The following G3BP2 variants were observed in gnomAD, a reference collection of about 807,000 sequenced individuals.
The protein encoded by G3BP2 is ras GTPase-activating protein-binding protein 2.
G3BP2 carries 11 observed loss-of-function variants against 56.7 expected under a neutral mutation model. The ratio of observed to expected loss-of-function variants is 0.19; its 90% CI spans 0.12 to 0.32. G3BP2 has a LOEUF of 0.32. Ranked by LOEUF, G3BP2 falls within the 10% of genes least tolerant of loss-of-function variation. The probability of loss-of-function intolerance (pLI) is 1.00; values close to 1 mark genes in which losing one functional copy is unlikely to be tolerated. For synonymous variants in G3BP2, 165 were observed against 191.6 expected, an observed-to-expected ratio of 0.86 and a Z score of 1.15; for missense variants, 340 against 610.9, an observed-to-expected ratio of 0.56 and a Z score of 4.67.
Position 75,647,026 on chromosome 4 carries a change from T to C in G3BP2, c.1057+3A>G. ...AACTCCAACAGCAAAATAAATCACT[T>C]ACTCATGAAGAATTCCTTTAGCTCA... On this transcript the variant is annotated splice_donor_region_variant and intron_variant, in intron 10 of 11. Transcript: ENST00000359707. 1 of 1,569,086 alleles carries C rather than the reference T, an allele frequency of 6.4e-7. No homozygotes were observed. Among genetic ancestry groups the C allele is most frequent in the Non-Finnish European group, 8.7e-7 (1 of 1,153,038 alleles).
chr4:75,710,033 T>C (rs1369770033), intron 3 of G3BP2, among the ~76,000 whole-genome samples: 1 of 152,182 alleles, frequency 6.6e-6, no homozygotes, highest in Non-Finnish European at 1.5e-5. Flanking sequence ...ATTGAACATA[T>C]GACCACATAC....
Position 75,645,274 on chromosome 4 carries a change from T to C in G3BP2, c.*156A>G, listed in dbSNP as rs1731133693. The C allele has an allele frequency of 1.6e-6, 1 of 637,766 alleles. No individual in the cohort carries two copies. The highest frequency in any genetic ancestry group is 2.8e-5 in the East Asian group (1 of 36,138). 39.5% of individuals were successfully genotyped at this position (637,766 alleles called of 1,614,324 possible). On this transcript the variant is annotated 3_prime_UTR_variant, in exon 12 of 12. Coordinates refer to ENST00000359707, the MANE Select transcript of G3BP2 (RefSeq NM_203505.3). ...TCCTGTTGTGAAATTGGGGAAATAA[T>C]GTCCACCTCAATTTAACTGATAACC... is the stretch of plus-strand genomic sequence containing the variant.
intron 6 of G3BP2, 103 bp downstream of exon 6, chr4:75,655,665 G>A (rs775841464): frequency 3.1e-5 from 21 of 678,790 alleles, no homozygotes; most frequent in Non-Finnish European, 5.3e-5. Context: ...TGACATAATA[G>A]GTGGTTTTAT....
rs1215697258 is a variant in G3BP2, at chr4:75,645,327, A to T, written c.*103T>A. The T allele has an allele frequency of 9.6e-7, 1 of 1,037,360 alleles. No individual in the cohort carries two copies. The highest frequency in any genetic ancestry group is 1.4e-6 in the Non-Finnish European group (1 of 712,414). The allele number at this position is 1,037,360 out of a possible 1,614,324, so 64.3% of individuals were successfully genotyped here. On this transcript the variant is annotated 3_prime_UTR_variant, in exon 12 of 12. Coordinates refer to ENST00000359707, the MANE Select transcript of G3BP2 (RefSeq NM_203505.3). The stretch of plus-strand genomic sequence containing the variant: ...AGATGCTTTTCACATCAAAGAAATG[A>T]TCAAAAAGGCTGTGTCACATTCCAA...
intron 3 of G3BP2, among the ~76,000 whole-genome samples, chr4:75,682,596 A>G (rs567784929): frequency 5.3e-5 from 8 of 152,300 alleles, no homozygotes; most frequent in African/African-American, 1.9e-4. Flanking sequence ...GTAGTAAAAA[A>G]TCAACTGTAT....
chr4:75,681,412 T>C (rs1191461369), intron 3 of G3BP2, among the ~76,000 whole-genome samples: 1 of 152,160 alleles, frequency 6.6e-6, no homozygotes, highest in Non-Finnish European at 1.5e-5. Context: ...AGAGGGTACA[T>C]TCCAGGACCC....
chr4:75,643,870 T>C lies in G3BP2; in HGVS notation c.*1560A>G, dbSNP rs1438892160. 2.0e-5 allele frequency: 3 copies of C among 152,634 alleles called. No individual in the cohort carries two copies. The highest frequency in any genetic ancestry group is 7.2e-5 in the African/African-American group (3 of 41,456). The allele number at this position is 152,634 out of a possible 1,614,324, so 9.5% of individuals were successfully genotyped here. A position where few individuals can be genotyped will look rare whatever the true frequency, so the allele number is the denominator to read the frequency against. On this transcript the variant is annotated 3_prime_UTR_variant, in exon 12 of 12. Coordinates refer to ENST00000359707, the MANE Select transcript of G3BP2 (RefSeq NM_203505.3). Reference sequence around the variant, plus strand: ...CTCCAAGCATAAAATTGGATAAGCTTTGCCATACTTGTGGTTTACTGGAAC... The same window carrying C: ...CTCCAAGCATAAAATTGGATAAGCTCTGCCATACTTGTGGTTTACTGGAAC...
chr4:75,674,708 ATATATATATATTTTTTT>A (rs1201636530), upstream of G3BP2, among the ~76,000 whole-genome samples: 2 of 44,236 alleles, frequency 4.5e-5, no homozygotes, highest in African/African-American at 8.1e-5. Flanking sequence ...ATATATATAT[ATATATATATATTTTTTT>A]TTTTTTTTTT....
At chr4:75,713,309 A>G (rs1719821814) in intron 3 of G3BP2, among the ~76,000 whole-genome samples, 1 of 152,248 alleles carries the variant, frequency 6.6e-6, no homozygotes, top group Non-Finnish European at 1.5e-5. Context: ...GCAACCACCA[A>G]TGATTCAGGC....
At chr4:75,666,912 C>A (rs555748486) in intron 1 of G3BP2, among the ~76,000 whole-genome samples, 1 of 152,136 alleles carries the variant, frequency 6.6e-6, no homozygotes, top group African/African-American at 2.4e-5. Context: ...AAACTCATGA[C>A]CTTACTGGAT....
At chr4:75,651,058 G>A (rs2148959893) in intron 8 of G3BP2, among the ~76,000 whole-genome samples, 1 of 152,244 alleles carries the variant, frequency 6.6e-6, no homozygotes, top group Admixed American at 6.5e-5. Flanking sequence ...TCTGTATTTG[G>A]GGTTTAATTC....
At chr4:75,705,842 A>T (rs1433481826) in intron 3 of G3BP2, among the ~76,000 whole-genome samples, 1 of 152,224 alleles carries the variant, frequency 6.6e-6, no homozygotes, top group East Asian at 1.9e-4. Flanking sequence ...CAAATGCCAT[A>T]AAATTTTACT....
chr4:75,678,274 GGTGTGCAC>G (rs1733949228), upstream of G3BP2, among the ~76,000 whole-genome samples: 1 of 151,456 alleles, frequency 6.6e-6, no homozygotes, highest in Non-Finnish European at 1.5e-5. Context: ...TGGGACCACA[GGTGTGCAC>G]TACCGTGCCT....
intron 7 of G3BP2, 196 bp downstream of exon 7, chr4:75,654,870 T>A: frequency 1.8e-6 from 1 of 555,288 alleles, no homozygotes; most frequent in East Asian, 3.0e-5. Context: ...GTTATAAGTT[T>A]CACTCTTAGA....
chr4:75,720,345 A>G (rs1484357895), intron 3 of G3BP2, among the ~76,000 whole-genome samples: 1 of 151,790 alleles, frequency 6.6e-6, no homozygotes, highest in Non-Finnish European at 1.5e-5. Context: ...TACCAAAAAT[A>G]CAAAAAATTA....
intron 3 of G3BP2, among the ~76,000 whole-genome samples, chr4:75,693,743 C>T (rs1248820314): frequency 7.3e-5 from 11 of 150,860 alleles, no homozygotes; most frequent in East Asian, 1.9e-4. Flanking sequence ...GAGCCAAGAT[C>T]GCACCACTGC....
At chr4:75,718,230 C>A (rs1448014746) in intron 3 of G3BP2, among the ~76,000 whole-genome samples, 1 of 56,312 alleles carries the variant, frequency 1.8e-5, no homozygotes, top group South Asian at 6.7e-4. Flanking sequence ...TTTCTTCTTT[C>A]TTTCTTTCTT....
At chr4:75,648,882 G>A in intron 8 of G3BP2, 141 bp from the exon 9 acceptor site, 1 of 545,048 alleles carries the variant, frequency 1.8e-6, no homozygotes. Context: ...CTATGTATGA[G>A]AAAAATAAAT....
At position 75,644,812 on chromosome 4, in the gene G3BP2, T is replaced by C. The variant is rs750108146; in HGVS notation, c.*618A>G. On this transcript the variant is annotated 3_prime_UTR_variant, in exon 12 of 12. Coordinates refer to ENST00000359707, the MANE Select transcript of G3BP2 (RefSeq NM_203505.3). ...ATACTTGTAGTCTTGTTAAGGTTTA[T>C]GTGTACACACGCTGGTCACAGCAAG... The C allele has an allele frequency of 3.3e-5, 5 of 152,752 alleles. No individual in the cohort carries two copies. The highest frequency in any genetic ancestry group is 5.9e-5 in the Non-Finnish European group (4 of 68,098). The allele number at this position is 152,752 out of a possible 1,614,324, so 9.5% of individuals were successfully genotyped here. A position where few individuals can be genotyped will look rare whatever the true frequency, so the allele number is the denominator to read the frequency against.
Sources: gnomAD v4.1 joint callset for allele counts (sites outside exome capture counted in the v4.1 genomes callset) on GRCh38, gnomAD v4.1.1 for gene constraint, MANE v1.5 for transcripts, NCBI Gene and HGNC (gene_info 2026-07-23, HGNC 2026-07-21) for gene names.